The following PTPRN2 variants were observed in gnomAD, a reference collection of about 807,000 sequenced individuals.
PTPRN2 encodes protein tyrosine phosphatase receptor type N2.
PTPRN2 carries 74 observed loss-of-function variants against 118.8 expected under a neutral mutation model. That is an observed-to-expected ratio of 0.62 (90% CI 0.52 to 0.76). The LOEUF is 0.76. Among genes scored for constraint, PTPRN2 ranks in the 30% least tolerant of loss-of-function variants. PTPRN2 has a pLI of 0.00. For synonymous variants in PTPRN2, 641 were observed against 608.0 expected (o/e 1.05, Z -0.80); for missense variants, 1,481 against 1,394.4 (o/e 1.06, Z -0.99).
chr7:158,314,363 A>C (rs567767227), intron 3 of PTPRN2, among the ~76,000 whole-genome samples: 163 of 152,370 alleles, frequency 1.1e-3, no homozygotes, highest in African/African-American at 3.8e-3. Flanking sequence ...TCACAAGACA[A>C]GCAAACTCAG....
At chr7:157,818,378 C>A (rs900732274) in intron 12 of PTPRN2, among the ~76,000 whole-genome samples, 1 of 150,822 alleles carries the variant, frequency 6.6e-6, no homozygotes, top group Admixed American at 6.6e-5. Flanking sequence ...GACACGGGGG[C>A]TGTGTGGCCT....
intron 11 of PTPRN2, among the ~76,000 whole-genome samples, chr7:158,066,958 G>A (rs1810821711): frequency 6.6e-6 from 1 of 152,172 alleles, no homozygotes. Context: ...TTCAATATCA[G>A]CAAATCCCAC....
At chr7:157,817,076 C>A (rs1427111496) in intron 12 of PTPRN2, among the ~76,000 whole-genome samples, 4 of 152,178 alleles carry the variant, frequency 2.6e-5, no homozygotes, top group African/African-American at 9.7e-5. Context: ...GGAGGCTGTG[C>A]ACCGGGGGTG....
At chr7:157,912,501 A>G (rs1307823169) in intron 11 of PTPRN2, among the ~76,000 whole-genome samples, 1 of 152,100 alleles carries the variant, frequency 6.6e-6, no homozygotes, top group Non-Finnish European at 1.5e-5. Flanking sequence ...ATACAGTCTA[A>G]TTTATCATTT....
intron 3 of PTPRN2, among the ~76,000 whole-genome samples, chr7:158,279,391 G>C (rs1433952694): frequency 6.6e-6 from 1 of 152,156 alleles, no homozygotes. Flanking sequence ...CCTCCCAGCA[G>C]CCCAGCCAGC....
At chr7:158,270,475 C>T (rs1398108007) in intron 3 of PTPRN2, among the ~76,000 whole-genome samples, 2 of 152,116 alleles carry the variant, frequency 1.3e-5, no homozygotes, top group East Asian at 1.9e-4. Flanking sequence ...AGATGAGCCT[C>T]ACTCACTGGC....
intron 14 of PTPRN2, among the ~76,000 whole-genome samples, chr7:157,631,847 A>AG (rs1193884385): frequency 9.2e-5 from 14 of 151,564 alleles, no homozygotes; most frequent in Admixed American, 8.5e-4. Flanking sequence ...AAAAAAAAAA[A>AG]AGAGAGAATT....
At chr7:157,782,938 C>T (rs1442585669) in intron 12 of PTPRN2, among the ~76,000 whole-genome samples, 1 of 152,222 alleles carries the variant, frequency 6.6e-6, no homozygotes, top group East Asian at 1.9e-4. Context: ...CAAATCTCAT[C>T]TTGAATTGTC....
intron 21 of PTPRN2, among the ~76,000 whole-genome samples, chr7:157,561,078 G>A (rs879569711): frequency 3.9e-5 from 6 of 152,046 alleles, no homozygotes; most frequent in Non-Finnish European, 4.4e-5. Context: ...TCTTAGTCCC[G>A]CACTGCCTGG....
intron 2 of PTPRN2, among the ~76,000 whole-genome samples, chr7:158,486,498 T>C (rs912811052): frequency 5.3e-5 from 8 of 152,262 alleles, no homozygotes; most frequent in Non-Finnish European, 1.2e-4. Context: ...TAACAGCATC[T>C]AAACTCTCTT....
At chr7:157,803,518 T>C (rs1314810381) in intron 12 of PTPRN2, among the ~76,000 whole-genome samples, 2 of 152,242 alleles carry the variant, frequency 1.3e-5, no homozygotes, top group Non-Finnish European at 2.9e-5. Flanking sequence ...CCTAGATGAA[T>C]GTCATCATGC....
At chr7:158,482,428 C>T (rs1221786178) in intron 2 of PTPRN2, among the ~76,000 whole-genome samples, 4 of 152,102 alleles carry the variant, frequency 2.6e-5, no homozygotes, top group African/African-American at 4.8e-5. Flanking sequence ...CAACCACGGC[C>T]CTGATCAATC....
At chr7:158,274,532 C>A (rs1051070136) in intron 3 of PTPRN2, among the ~76,000 whole-genome samples, 44 of 142,558 alleles carry the variant, frequency 3.1e-4, no homozygotes, top group Non-Finnish European at 5.0e-4. Context: ...GCCGCAGGCA[C>A]AGGGGGAGCC....
At chr7:157,919,459 G>A (rs932447693) in intron 11 of PTPRN2, among the ~76,000 whole-genome samples, 1 of 152,170 alleles carries the variant, frequency 6.6e-6, no homozygotes, top group African/African-American at 2.4e-5. Context: ...TGATAAGAGA[G>A]AAGGACAGTA....
rs1475416388 is a variant in PTPRN2, at chr7:157,874,883, GGA to G, written c.1788+23788_1788+23789del. ...GACACACTCGTGCACATACACACAC[GGA>G]GACACACTCGTGCACATACACACAC... On this transcript the variant is annotated intron_variant, in intron 12 of 22. Transcript: ENST00000389418. The surrounding 1 kb of genome is among the most constrained non-coding windows in gnomAD (Gnocchi z 5.8). 6.7e-6 allele frequency among the ~76,000 whole-genome samples: 1 copy of G among 149,430 alleles called. No homozygotes were observed. The highest frequency in any genetic ancestry group is 2.0e-4 in the East Asian group (1 of 5,066).
intron 11 of PTPRN2, among the ~76,000 whole-genome samples, chr7:157,963,262 G>A (rs966089255): frequency 7.2e-5 from 11 of 152,226 alleles, no homozygotes; most frequent in African/African-American, 1.4e-4. Flanking sequence ...GTAGAATAGC[G>A]GGCTGGGGGT....
chr7:158,181,136 G>A (rs985031401), intron 5 of PTPRN2, among the ~76,000 whole-genome samples: 1 of 152,178 alleles, frequency 6.6e-6, no homozygotes, highest in African/African-American at 2.4e-5. Flanking sequence ...TTTGTTGAGA[G>A]TTTTTATCAT....
rs10248884 is a variant in PTPRN2 at position 158,483,859 on chromosome 7, C to T, written c.163+5876G>A. ...AGCCTTTTAAAGTATAGGAGTTGGC[C>T]GGGCGCAATGGCTCATGCCTGTAAT... On this transcript the variant is annotated intron_variant, in intron 2 of 22. Transcript: ENST00000389418. Among the ~76,000 whole-genome samples, 28 of 152,212 alleles carry T rather than the reference C, an allele frequency of 1.8e-4. 1 individual carries two copies. Among genetic ancestry groups the T allele is most frequent in the African/African-American group, 6.7e-4 (28 of 41,500 alleles).
intron 3 of PTPRN2, among the ~76,000 whole-genome samples, chr7:158,270,540 C>T (rs868426048): frequency 1.3e-5 from 2 of 152,108 alleles, no homozygotes; most frequent in Non-Finnish European, 2.9e-5. Context: ...GCCAGGCCCC[C>T]TGCAGTGGGT....
Sources: gnomAD v4.1 joint callset for allele counts (sites outside exome capture counted in the v4.1 genomes callset) on GRCh38, gnomAD v4.1.1 for gene constraint, Gnocchi (gnomAD v3.1) non-coding constraint, MANE v1.5 for transcripts, NCBI Gene and HGNC (gene_info 2026-07-23, HGNC 2026-07-21) for gene names.